The following DNAJC5G variants were observed in gnomAD, a reference collection of about 807,000 sequenced individuals.
DNAJC5G encodes the protein dnaJ homolog subfamily C member 5G.
A neutral mutation model predicts 19.1 loss-of-function variants in DNAJC5G; 13 were observed. The observed-to-expected ratio is 0.68, with a 90% CI of 0.44 to 1.08. The LOEUF (loss-of-function observed/expected upper bound fraction) is 1.08, where lower values mean the gene tolerates loss of function less well. Ranked by LOEUF, DNAJC5G falls within the 50% of genes least tolerant of loss-of-function variation. The pLI, the probability that DNAJC5G is intolerant of heterozygous loss-of-function variation, is 0.00. For synonymous variants in DNAJC5G, 81 were observed against 84.4 expected (o/e 0.96, Z 0.22); for missense variants, 245 against 230.4 (o/e 1.06, Z -0.41).
intron 6 of DNAJC5G, 30 bp downstream of exon 6, chr2:27,280,263 T>C (rs776387789): frequency 8.2e-6 from 13 of 1,582,826 alleles, no homozygotes; most frequent in East Asian, 2.2e-5. Context: ...GCAACAGTTA[T>C]CAGATAAGAA....
rs891346986 is a variant in DNAJC5G at position 27,275,533 on chromosome 2, G to T, written c.-306G>T. ...CAAAAGGATGAAGGGCACCCACCTG[G>T]CTTAAGAGAACGACTCCCAGGTAAA... On this transcript the variant is annotated 5_prime_UTR_variant, in exon 1 of 7. Transcript: ENST00000296097. 6.1e-6 allele frequency: 2 copies of T among 326,252 alleles called. No individual in the cohort carries two copies. Among genetic ancestry groups the T allele is most frequent in the Non-Finnish European group, 1.2e-5 (2 of 166,134 alleles). The allele number at this position is 326,252 out of a possible 1,614,324, so 20.2% of individuals were successfully genotyped here. A position where few individuals can be genotyped will look rare whatever the true frequency, so the allele number is the denominator to read the frequency against.
rs1430928441 is a variant in DNAJC5G at position 27,280,820 on chromosome 2, A to G, written c.*410A>G. On this transcript the variant is annotated 3_prime_UTR_variant, in exon 7 of 7. Coordinates refer to ENST00000296097, the MANE Select transcript of DNAJC5G (RefSeq NM_173650.3). ...TCCCTGAGCCCCTTGCGATATCACC[A>G]CCAAGAGCCTGATAACTGAGCAGGG... 3.3e-5 allele frequency: 5 copies of G among 152,834 alleles called. No homozygotes were observed. The highest frequency in any genetic ancestry group is 7.3e-5 in the African/African-American group (3 of 41,358). The allele number at this position is 152,834 out of a possible 1,614,324, so 9.5% of individuals were successfully genotyped here.
In DNAJC5G at chr2:27,278,192, T is replaced by G. The variant is rs772874286; in HGVS notation, c.380T>G (p.Leu127Arg). The G allele has an allele frequency of 8.1e-6, 13 of 1,614,200 alleles. No homozygotes were observed. In the South Asian group the frequency reaches 1.4e-4, roughly 18 times the overall value. Residue 127 changes from leucine (L) to arginine (R), a missense_variant, in exon 5 of 7, where the codon CTT (leucine) becomes CGT (arginine). Coordinates refer to ENST00000296097, the MANE Select transcript of DNAJC5G (RefSeq NM_173650.3). ...FILNSCWFKT[L>R]VILCTLLTCC... Reference sequence around the variant, plus strand: ...CCATTCTCGCCTACCTTTTAGACACTTGTCATCCTGTGTACTCTGCTCACT... The same window carrying G: ...CCATTCTCGCCTACCTTTTAGACACGTGTCATCCTGTGTACTCTGCTCACT...
chr2:27,278,440 G>A, intron 5 of DNAJC5G, 108 bp downstream of exon 5: 8 of 1,486,206 alleles, frequency 5.4e-6, no homozygotes, highest in East Asian at 2.4e-5. Flanking sequence ...CAGCACTTTG[G>A]GAGGGTGAGG....
Position 27,278,259 on chromosome 2 carries a change from A to G in DNAJC5G, c.447A>G (p.Ala149=). Residue 149 remains alanine, a synonymous_variant, in exon 5 of 7, where the codon GCA becomes GCG. Coordinates refer to ENST00000296097, the MANE Select transcript of DNAJC5G (RefSeq NM_173650.3). Reference sequence around the variant, plus strand: ...GTTGCTGCTGTTTTTGCTGTGGAGCACTTAAACCACCACCTGAGCAGGATA... The same window carrying G: ...GTTGCTGCTGTTTTTGCTGTGGAGCGCTTAAACCACCACCTGAGCAGGATA... ...FCCCCCFCCG[A]LKPPPEQDSG... The G allele has an allele frequency of 7.4e-6, 12 of 1,614,190 alleles. No individual in the cohort carries two copies. The highest frequency in any genetic ancestry group is 9.3e-6 in the Non-Finnish European group (11 of 1,180,034).
At position 27,276,788 on chromosome 2, in the gene DNAJC5G, A is replaced by G. The variant is rs1476682857; in HGVS notation, c.60A>G (p.Ala20=). Residue 20 remains alanine (A), a synonymous_variant, in exon 3 of 7, where the codon GCA becomes GCG. Transcript: ENST00000296097. ...CCAAAAGTGAGATGAGCCTCTATGC[A>G]GTGCTGGATCTTAAGAAGGGCGCCT... ...RLSKSEMSLY[A]VLDLKKGASP... is the part of the protein sequence containing the mutation. 1 of 1,614,022 alleles carries G rather than the reference A, an allele frequency of 6.2e-7. No individual in the cohort carries two copies. The highest frequency in any genetic ancestry group is 1.3e-5 in the African/African-American group (1 of 74,904).
At position 27,277,816 on chromosome 2, in the gene DNAJC5G, G is replaced by A. The variant is rs756781840; in HGVS notation, c.176G>A (p.Arg59Gln). The A allele has an allele frequency of 3.1e-6, 5 of 1,613,922 alleles. No homozygotes were observed. The highest frequency in any genetic ancestry group is 2.7e-5 in the African/African-American group (2 of 74,838). Residue 59 changes from arginine (R) to glutamine (Q), a missense_variant, in exon 4 of 7, where the codon CGG (arginine) becomes CAG (glutamine). Physicochemically the swap from Arg to Gln is conservative, Grantham distance 43. Transcript: ENST00000296097. ...EYHLGRKLALRYHPDKNPGNA... is the reference protein window; with the variant it reads ...EYHLGRKLALQYHPDKNPGNA... ...CACCTGGGTAGGAAACTGGCCTTGC[G>A]GTATCATCCCGACAAGAATCCAGGG...
rs1188266692 is a variant in DNAJC5G, at chr2:27,278,005, G to A, written c.365G>A (p.Cys122Tyr). 1.9e-6 allele frequency: 3 copies of A among 1,614,158 alleles called. No homozygotes were observed. Among genetic ancestry groups the A allele is most frequent in the Admixed American group, 3.3e-5 (2 of 60,022 alleles). ...GVRYYFILNS[C>Y]WFKTLVILCT... ...AGATACTATTTTATTCTGAATAGTT[G>A]TTGGTTCAAGGTACACAATTCTCCA... The change falls in exon 4 of 7, where the codon TGT becomes TAT. Residue 122 changes from cysteine (C) to tyrosine (Y), a missense_variant. Cys to Tyr is a radical substitution (Grantham distance 194, BLOSUM62 -2). Transcript: ENST00000296097.
At position 27,280,461 on chromosome 2, in the gene DNAJC5G, C is replaced by T. The variant is rs1678322019; in HGVS notation, c.*51C>T. On this transcript the variant is annotated 3_prime_UTR_variant, in exon 7 of 7. Transcript: ENST00000296097. Reference sequence around the variant, plus strand: ...CCCAGTGAGGGTGCCTTCTGCTGCCCAGTCCCCTGGACACATTGAAGAGAG... The same window carrying T: ...CCCAGTGAGGGTGCCTTCTGCTGCCTAGTCCCCTGGACACATTGAAGAGAG... 1 of 486,594 alleles carries T rather than the reference C, an allele frequency of 2.1e-6. No homozygotes were observed. The highest frequency in any genetic ancestry group is 3.8e-6 in the Non-Finnish European group (1 of 266,310). 30.1% of individuals were successfully genotyped at this position (486,594 alleles called of 1,614,324 possible). A position where few individuals can be genotyped will look rare whatever the true frequency, so the allele number is the denominator to read the frequency against.
intron 3 of DNAJC5G, 86 bp downstream of exon 3, chr2:27,276,927 T>A: frequency 3.9e-6 from 3 of 763,220 alleles, no homozygotes; most frequent in Non-Finnish European, 5.5e-6. Context: ...CTGACTCTTT[T>A]TTTTTTTTTT....
In DNAJC5G at chr2:27,278,911, A is replaced by G. The variant is rs535880223; in HGVS notation, c.520+579A>G. 1.7e-3 allele frequency among the ~76,000 whole-genome samples: 256 copies of G among 150,546 alleles called. 1 individual carries two copies. Among genetic ancestry groups the G allele is most frequent in the African/African-American group, 5.9e-3 (243 of 41,026 alleles). ...CCCCAGCTACTTAGGAGGCTGAGGC[A>G]GGAGAATTGCTTGAACCCGGGAGAC... On this transcript the variant is annotated intron_variant, in intron 5 of 6. Transcript: ENST00000296097.
chr2:27,276,405 C>A lies in DNAJC5G; in HGVS notation c.-4+18C>A, dbSNP rs889780195. ...TACTCCAGGTAATAGGAGCTCTAGA[C>A]AAAATCAGGCTCTTTTCCTGGCTTA... On this transcript the variant is annotated intron_variant, in intron 2 of 6. Transcript: ENST00000296097. 1.4e-5 allele frequency: 3 copies of A among 218,112 alleles called. No homozygotes were observed. The highest frequency in any genetic ancestry group is 5.4e-5 in the Admixed American group (1 of 18,596). 13.5% of individuals were successfully genotyped at this position (218,112 alleles called of 1,614,324 possible).
Position 27,278,243 on chromosome 2 carries a change from G to A in DNAJC5G, c.431G>A (p.Cys144Tyr), listed in dbSNP as rs2148176741. Reference protein sequence around the residue: ...LTCCCFCCCCCFCCGALKPPP... With the variant: ...LTCCCFCCCCYFCCGALKPPP... ...TGTTGCTGTTTCTGTTGTTGCTGCTGTTTTTGCTGTGGAGCACTTAAACCA... is the reference window on the plus strand; with the variant it reads ...TGTTGCTGTTTCTGTTGTTGCTGCTATTTTTGCTGTGGAGCACTTAAACCA... The change falls in exon 5 of 7, where the codon TGT becomes TAT. Residue 144 changes from cysteine (C) to tyrosine (Y), a missense_variant. Physicochemically the swap from Cys to Tyr is radical, Grantham distance 194. Coordinates refer to ENST00000296097, the MANE Select transcript of DNAJC5G (RefSeq NM_173650.3). 1 of 1,614,194 alleles carries A rather than the reference G, an allele frequency of 6.2e-7. No homozygotes were observed. Among genetic ancestry groups the A allele is most frequent in the Non-Finnish European group, 8.5e-7 (1 of 1,180,040 alleles).
chr2:27,279,121 A>G (rs983706205), intron 5 of DNAJC5G, among the ~76,000 whole-genome samples: 2 of 152,186 alleles, frequency 1.3e-5, no homozygotes, highest in African/African-American at 4.8e-5. Flanking sequence ...CACTGGGACA[A>G]AGTGAAGAAA....
At chr2:27,277,569 C>T (rs1678161432) in intron 3 of DNAJC5G, among the ~76,000 whole-genome samples, 185 bp from the exon 4 acceptor site, 1 of 151,988 alleles carries the variant, frequency 6.6e-6, no homozygotes, top group Admixed American at 6.6e-5. Context: ...GCCCTATGAC[C>T]CATTTTTAAG....
At position 27,276,756 on chromosome 2, in the gene DNAJC5G, C is replaced by T. The variant is rs142361760; in HGVS notation, c.28C>T (p.Arg10Trp). The stretch of plus-strand genomic sequence containing the variant: ...GTCTACTGTGAAGGAAGCAGCACAC[C>T]GGCTGTCCAAAAGTGAGATGAGCCT... MSTVKEAAHRLSKSEMSLYA... is the reference protein window; with the variant it reads MSTVKEAAHWLSKSEMSLYA... Residue 10 changes from arginine (R) to tryptophan (W), a missense_variant, in exon 3 of 7, where the codon CGG (arginine) becomes TGG (tryptophan). Arg to Trp is a moderately radical substitution (Grantham distance 101). Transcript: ENST00000296097. 3.5e-5 allele frequency: 57 copies of T among 1,613,776 alleles called. No individual in the cohort carries two copies. The highest frequency in any genetic ancestry group is 1.9e-4 in the African/African-American group (14 of 74,826).
intron 3 of DNAJC5G, among the ~76,000 whole-genome samples, chr2:27,277,249 CGTTT>C (rs370986157): frequency 7.2e-4 from 107 of 147,960 alleles, no homozygotes; most frequent in Middle Eastern, 3.5e-3. Context: ...GCCTACGACC[CGTTT>C]GTTTGTTTGT....
chr2:27,278,322 T>A lies in DNAJC5G; in HGVS notation c.510T>A (p.Pro170=). 1 of 1,614,052 alleles carries A rather than the reference T, an allele frequency of 6.2e-7. No individual in the cohort carries two copies. The highest frequency in any genetic ancestry group is 8.5e-7 in the Non-Finnish European group (1 of 1,180,008). Residue 170 remains proline (P), a synonymous_variant, in exon 5 of 7, where the codon CCT becomes CCA. Coordinates refer to ENST00000296097, the MANE Select transcript of DNAJC5G (RefSeq NM_173650.3). ...ATCAGCAGAATGTCCAGAGTCAGCC[T>A]CCAAGGTCAGGTGAGAACTGCAAGC... The part of the protein sequence containing the change: ...RKYQQNVQSQ[P]PRSGAKCDFR...
intron 3 of DNAJC5G, 78 bp downstream of exon 3, chr2:27,276,919 GAC>G: frequency 7.1e-6 from 6 of 839,722 alleles, no homozygotes; most frequent in East Asian, 3.1e-5. Flanking sequence ...TTTGCTATCT[GAC>G]TCTTTTTTTT....
Sources: allele counts gnomAD v4.1 joint callset (sites outside exome capture counted in the v4.1 genomes callset), GRCh38; gene constraint gnomAD v4.1.1; transcripts MANE v1.5; gene names NCBI Gene and HGNC (gene_info 2026-07-23, HGNC 2026-07-21).